ANKFY1: variants seen among roughly 807,000 people sequenced by gnomAD.
ANKFY1 encodes the protein ankyrin repeat and FYVE domain-containing protein 1.
In ANKFY1, 47 loss-of-function variants were observed where a neutral mutation model predicts 128.3. The ratio of observed to expected loss-of-function variants is 0.37; its 90% confidence interval spans 0.29 to 0.47. The LOEUF (loss-of-function observed/expected upper bound fraction) is 0.47, where lower values mean the gene tolerates loss of function less well. Ranked by LOEUF, ANKFY1 falls within the 20% of genes least tolerant of loss-of-function variation. ANKFY1 has a pLI of 1.00. For missense variants in ANKFY1, 1,222 were observed against 1,510.6 expected (o/e 0.81, Z 3.17); for synonymous variants, 553 against 601.6 (o/e 0.92, Z 1.18).
rs2059451701 is a variant in ANKFY1 at position 4,178,650 on chromosome 17, A to C, written c.2598+207T>G. The stretch of plus-strand genomic sequence containing the variant: ...GCCTCCGCTTCCATCGAAGCCGGGC[A>C]CTGTCAGGCGCTGACACACAGGCAG... On this transcript the variant is annotated intron_variant, in intron 18 of 24. Transcript: ENST00000341657. The surrounding 1 kb of genome is among the most constrained non-coding windows in gnomAD (Gnocchi z 4.1). 2 of 593,072 alleles carry C rather than the reference A, an allele frequency of 3.4e-6. No individual in the cohort carries two copies. Among genetic ancestry groups the C allele is most frequent in the Non-Finnish European group, 6.0e-6 (2 of 333,554 alleles). 36.7% of individuals were successfully genotyped at this position (593,072 alleles called of 1,614,324 possible).
intron 3 of ANKFY1, among the ~76,000 whole-genome samples, chr17:4,233,202 G>A (rs1443652122): frequency 6.6e-6 from 1 of 151,972 alleles, no homozygotes; most frequent in African/African-American, 2.4e-5. Context: ...TAACAAAGTC[G>A]AATATTTTCC....
chr17:4,248,619 C>T (rs1967683392), intron 1 of ANKFY1, among the ~76,000 whole-genome samples: 4 of 152,168 alleles, frequency 2.6e-5, no homozygotes, highest in African/African-American at 4.8e-5. Flanking sequence ...AGTTTTCAGC[C>T]GTGGTTTTTT....
rs1373073247 is a variant in ANKFY1, at chr17:4,182,357, G to C, written c.1953-8C>G. The C allele has an allele frequency of 6.5e-7, 1 of 1,539,524 alleles. No homozygotes were observed. The highest frequency in any genetic ancestry group is 8.8e-7 in the Non-Finnish European group (1 of 1,134,910). ...GTCTCCCCGTCCTGAGTCCTGCTAG[G>C]ACATGCACACCCAAACCAACGTTTG... On this transcript the variant is annotated splice_polypyrimidine_tract_variant and splice_region_variant and intron_variant, in intron 14 of 24. Coordinates refer to ENST00000341657, the MANE Select transcript of ANKFY1 (RefSeq NM_001330063.2).
rs746543903 is a variant in ANKFY1 at position 4,173,345 on chromosome 17, C to T, written c.3014+9G>A. The T allele has an allele frequency of 9.0e-5, 145 of 1,613,512 alleles. No homozygotes were observed. Among genetic ancestry groups the T allele is most frequent in the Middle Eastern group, 1.7e-4 (1 of 6,032 alleles). Reference sequence around the variant, plus strand: ...CGCCGCGGGGCCTACTCGGGCCCAACGCGCTCACCTGAGATTAAAGGCTTC... The same window carrying T: ...CGCCGCGGGGCCTACTCGGGCCCAATGCGCTCACCTGAGATTAAAGGCTTC... On this transcript the variant is annotated intron_variant, in intron 21 of 24. Coordinates refer to ENST00000341657, the MANE Select transcript of ANKFY1 (RefSeq NM_001330063.2).
chr17:4,175,921 A>G (rs2059403929), intron 19 of ANKFY1, among the ~76,000 whole-genome samples: 1 of 152,166 alleles, frequency 6.6e-6, no homozygotes, highest in Non-Finnish European at 1.5e-5. Flanking sequence ...CGATCCTATC[A>G]TCTGTCATGC....
intron 7 of ANKFY1, among the ~76,000 whole-genome samples, chr17:4,205,213 A>G (rs1176476496): frequency 6.6e-6 from 1 of 152,192 alleles, no homozygotes; most frequent in African/African-American, 2.4e-5. Context: ...TGGCCATGGC[A>G]ATGCACTTCA....
chr17:4,168,042 T>G, intron 24 of ANKFY1, 131 bp from the exon 25 acceptor site: 1 of 959,130 alleles, frequency 1.0e-6, no homozygotes, highest in East Asian at 2.6e-5. Flanking sequence ...CTCTGCCAAC[T>G]GCCAGCCCGG....
rs1018866571 is a variant in ANKFY1 at position 4,179,857 on chromosome 17, G to C, written c.2261C>G (p.Pro754Arg). 6 of 1,614,020 alleles carry C rather than the reference G, an allele frequency of 3.7e-6. No individual in the cohort carries two copies. In the South Asian group the frequency reaches 4.4e-5, roughly 12 times the overall value. ...TTCTCCATTGGCGCCTGGTTGTCTG[G>C]GACTGTTCACGTCACAGCCACTGAA... Reference protein sequence around the residue: ...LIRSGCDVNSPRQPGANGEGE... With the variant: ...LIRSGCDVNSRRQPGANGEGE... Residue 754 changes from proline (P) to arginine (R), a missense_variant, in exon 17 of 25, where the codon CCC (proline) becomes CGC (arginine). Pro to Arg is a moderately radical substitution (Grantham distance 103, BLOSUM62 -2). Transcript: ENST00000341657.
Position 4,178,563 on chromosome 17 carries a change from T to TA in ANKFY1, c.2598+293dup. 2.3e-6 allele frequency: 1 copy of TA among 436,236 alleles called. No homozygotes were observed. Among genetic ancestry groups the TA allele is most frequent in the South Asian group, 2.5e-5 (1 of 40,084 alleles). The allele number at this position is 436,236 out of a possible 1,614,324, so 27.0% of individuals were successfully genotyped here. A position where few individuals can be genotyped will look rare whatever the true frequency, so the allele number is the denominator to read the frequency against. ...TCCTCACTAGGACAGTTAACCAACC[T>TA]AGCAAAAGCAAAGAATGAGCTCAAC... On this transcript the variant is annotated intron_variant, in intron 18 of 24. Transcript: ENST00000341657. The surrounding 1 kb of genome is among the most constrained non-coding windows in gnomAD (Gnocchi z 4.1).
chr17:4,229,115 CAT>C (rs1466012722), intron 3 of ANKFY1, among the ~76,000 whole-genome samples: 1 of 152,112 alleles, frequency 6.6e-6, no homozygotes, highest in Non-Finnish European at 1.5e-5. Context: ...AAAAAAAAGT[CAT>C]AGTCTTAACC....
intron 3 of ANKFY1, among the ~76,000 whole-genome samples, chr17:4,219,281 C>A (rs1344527727): frequency 1.3e-5 from 2 of 152,150 alleles, no homozygotes; most frequent in Non-Finnish European, 2.9e-5. Flanking sequence ...GAGTGATGGT[C>A]AGAGGAATAC....
chr17:4,208,679 G>A (rs2060069944), intron 5 of ANKFY1, among the ~76,000 whole-genome samples: 2 of 152,260 alleles, frequency 1.3e-5, no homozygotes, highest in African/African-American at 4.8e-5. Context: ...CAGTGTTGTT[G>A]AATACCAAAC....
intron 1 of ANKFY1, among the ~76,000 whole-genome samples, chr17:4,251,535 TAAA>T (rs71144176): frequency 2.3e-5 from 3 of 130,894 alleles, no homozygotes; most frequent in African/African-American, 8.6e-5. Context: ...AAATAAAAAT[TAAA>T]AAAAAAAAAA....
At chr17:4,176,053 T>C (rs1002455163) in intron 19 of ANKFY1, among the ~76,000 whole-genome samples, 4 of 152,172 alleles carry the variant, frequency 2.6e-5, no homozygotes, top group African/African-American at 9.7e-5. Flanking sequence ...CTCCGCCTCC[T>C]TGGCTGCTTC....
chr17:4,253,546 A>G (rs1967954791), intron 1 of ANKFY1, among the ~76,000 whole-genome samples: 1 of 152,174 alleles, frequency 6.6e-6, no homozygotes, highest in Non-Finnish European at 1.5e-5. Flanking sequence ...CCTTAGCATC[A>G]TTCCTGTTGC....
rs767789603 is a variant in ANKFY1 at position 4,209,935 on chromosome 17, A to G, written c.471T>C (p.Gly157=). ...LQLLRERCEK[G]VMSLVNVRNC... ...TCCTGACATTCACTAGAGACATAAC[A>G]CCCTTCTCACATCTGTAAGAGAGTA... The change falls in exon 5 of 25, where the codon GGT becomes GGC. Residue 157 remains glycine, a synonymous_variant. Coordinates refer to ENST00000341657, the MANE Select transcript of ANKFY1 (RefSeq NM_001330063.2). The G allele has an allele frequency of 7.1e-5, 115 of 1,612,690 alleles. No individual in the cohort carries two copies. The South Asian group carries it at 1.2e-3, about 17-fold the overall frequency.
chr17:4,244,338 A>AGCCT (rs1555638683), intron 1 of ANKFY1, among the ~76,000 whole-genome samples: 1 of 152,228 alleles, frequency 6.6e-6, no homozygotes, highest in Non-Finnish European at 1.5e-5. Flanking sequence ...CAGCTATGAG[A>AGCCT]GCCTATAAAG....
intron 14 of ANKFY1, 80 bp downstream of exon 14, chr17:4,183,318 T>C: frequency 6.5e-7 from 1 of 1,539,202 alleles, no homozygotes; most frequent in African/African-American, 1.4e-5. Flanking sequence ...CAAAAACACT[T>C]TTCTACAAGC....
intron 2 of ANKFY1, among the ~76,000 whole-genome samples, chr17:4,238,250 G>C (rs1318983279): frequency 2.7e-5 from 4 of 148,084 alleles, no homozygotes; most frequent in Non-Finnish European, 4.4e-5. Flanking sequence ...CGGCTACTAA[G>C]ATGTACATAA....
Sources: gnomAD v4.1 joint callset for allele counts (sites outside exome capture counted in the v4.1 genomes callset) on GRCh38, gnomAD v4.1.1 for gene constraint, Gnocchi (gnomAD v3.1) non-coding constraint, MANE v1.5 for transcripts, NCBI Gene and HGNC (gene_info 2026-07-23, HGNC 2026-07-21) for gene names.